Variants in RIN2 observed in about 807,000 individuals in gnomAD.
The protein encoded by RIN2 is RAB5 interacting protein 2.
Under a neutral mutation model 78.0 loss-of-function variants are expected in RIN2, and 36 were observed. That is an observed-to-expected ratio of 0.46 (90% CI 0.35 to 0.61). The LOEUF is 0.61. Among genes scored for constraint, RIN2 ranks in the 20% least tolerant of loss-of-function variants. The pLI is 0.00. For missense variants in RIN2, 1,087 were observed against 1,159.7 expected (o/e 0.94, Z 0.91); for synonymous variants, 466 against 466.8 (o/e 1.00, Z 0.02).
chr20:19,963,367 A>T, intron 6 of RIN2, among the ~76,000 whole-genome samples: 1 of 152,124 alleles, frequency 6.6e-6, no homozygotes, highest in East Asian at 1.9e-4. Flanking sequence ...TAATCCCAGC[A>T]CTTTGGGAGG....
At chr20:19,977,660 G>A (rs2042321629) in intron 9 of RIN2, among the ~76,000 whole-genome samples, 1 of 152,084 alleles carries the variant, frequency 6.6e-6, no homozygotes. Flanking sequence ...AACTTCCATT[G>A]GATCAGAAGC....
At chr20:19,984,758 C>T (rs142571422) in intron 9 of RIN2, among the ~76,000 whole-genome samples, 2,063 of 152,182 alleles carry the variant, frequency 0.014, 52 homozygotes, top group African/African-American at 0.047. Flanking sequence ...CAGAGTGAGA[C>T]TCTGTCTCAA....
intron 1 of RIN2, among the ~76,000 whole-genome samples, chr20:19,780,969 G>C (rs1310226869): frequency 6.6e-6 from 1 of 152,204 alleles, no homozygotes; most frequent in East Asian, 1.9e-4. Context: ...GTAATAGAGA[G>C]ATGAAAGAGT....
chr20:19,841,262 C>T (rs1473427849), intron 2 of RIN2, among the ~76,000 whole-genome samples: 3 of 151,818 alleles, frequency 2.0e-5, no homozygotes, highest in Admixed American at 6.6e-5. Flanking sequence ...TGGCTACAGG[C>T]GTGAGCCACC....
chr20:19,902,015 CAAAAAAAAA>C (rs55949901), intron 3 of RIN2, among the ~76,000 whole-genome samples: 58 of 100,642 alleles, frequency 5.8e-4, no homozygotes, highest in South Asian at 4.0e-3. Flanking sequence ...GACTCTGTCT[CAAAAAAAAA>C]AAAAAAAAAA....
At chr20:19,833,904 T>C (rs1277256537) in intron 2 of RIN2, among the ~76,000 whole-genome samples, 1 of 152,140 alleles carries the variant, frequency 6.6e-6, no homozygotes, top group Admixed American at 6.5e-5. Flanking sequence ...GAGGTTGGCA[T>C]CCTGCTGAGG....
intron 2 of RIN2, among the ~76,000 whole-genome samples, chr20:19,843,943 G>T (rs1334683007): frequency 6.6e-6 from 1 of 152,098 alleles, no homozygotes; most frequent in Non-Finnish European, 1.5e-5. Flanking sequence ...GCAATTCTTT[G>T]ACTCATTAAC....
intron 1 of RIN2, among the ~76,000 whole-genome samples, chr20:19,765,957 G>C (rs1013373680): frequency 4.6e-5 from 7 of 152,142 alleles, no homozygotes; most frequent in Admixed American, 1.3e-4. Context: ...CAGTGGGATG[G>C]ACCAGGCACA....
At chr20:19,978,593 C>G (rs1324965417) in intron 9 of RIN2, among the ~76,000 whole-genome samples, 1 of 152,214 alleles carries the variant, frequency 6.6e-6, no homozygotes, top group Non-Finnish European at 1.5e-5. Context: ...TATGTTCTCT[C>G]ATGGAGAATT....
intron 9 of RIN2, among the ~76,000 whole-genome samples, chr20:19,980,656 A>C (rs1362123391): frequency 2.0e-5 from 3 of 152,196 alleles, no homozygotes; most frequent in African/African-American, 7.2e-5. Flanking sequence ...AGACACCTAA[A>C]ATGCTGCACG....
chr20:19,952,802 G>A (rs935230051), intron 4 of RIN2, among the ~76,000 whole-genome samples: 6 of 152,138 alleles, frequency 3.9e-5, no homozygotes, highest in Admixed American at 6.5e-5. Flanking sequence ...TTATTTAGTC[G>A]CCAAGAATTC....
chr20:19,979,611 TTTTTTG>T (rs971349000), intron 9 of RIN2, among the ~76,000 whole-genome samples: 5 of 152,042 alleles, frequency 3.3e-5, no homozygotes, highest in African/African-American at 9.7e-5. Flanking sequence ...GATCTGGGTT[TTTTTTG>T]TTTTTGTTTT....
chr20:19,940,543 C>T (rs199549), intron 4 of RIN2, among the ~76,000 whole-genome samples: 39,611 of 152,100 alleles, frequency 0.26, 6,676 homozygotes, highest in African/African-American at 0.48. Flanking sequence ...AAATCTCCCT[C>T]CATGCCTCTG....
At chr20:19,777,518 G>T (rs1009595786) in intron 1 of RIN2, among the ~76,000 whole-genome samples, 3 of 152,176 alleles carry the variant, frequency 2.0e-5, no homozygotes, top group East Asian at 1.9e-4. Flanking sequence ...TTTATAAATT[G>T]TTGATAGACC....
intron 1 of RIN2, among the ~76,000 whole-genome samples, chr20:19,793,262 A>AT (rs1429281715): frequency 6.6e-5 from 10 of 152,188 alleles, no homozygotes; most frequent in Non-Finnish European, 1.0e-4. Flanking sequence ...AGCATTTAAA[A>AT]TTTTTTTGTA....
rs918122088 is a variant in RIN2, at chr20:19,943,135, G to A, written c.158+7936G>A. ...GCCCGCCTGGCTCCTTCTTCTGCCT[G>A]TTTTCAGCTCCAAGGGCAACCAGGA... On this transcript the variant is annotated intron_variant, in intron 4 of 12. Coordinates refer to ENST00000255006, the MANE Select transcript of RIN2 (RefSeq NM_018993.4). Among the ~76,000 whole-genome samples, 6 of 152,354 alleles carry A rather than the reference G, an allele frequency of 3.9e-5. No homozygotes were observed. The South Asian group carries it at 1.2e-3, about 32-fold the overall frequency.
chr20:19,974,789 G>A lies in RIN2; in HGVS notation c.764G>A (p.Arg255Lys), dbSNP rs746529116. ...LINGVHSIKTRTPSELECSQT... is the reference protein window; with the variant it reads ...LINGVHSIKTKTPSELECSQT... ...AATGGAGTGCATTCTATCAAAACCAGGACGCCTTCAGAGCTGGAGTGCAGC... is the reference window on the plus strand; with the variant it reads ...AATGGAGTGCATTCTATCAAAACCAAGACGCCTTCAGAGCTGGAGTGCAGC... Residue 255 changes from arginine to lysine, a missense_variant, in exon 9 of 13, where the codon AGG becomes AAG. Physicochemically the swap from Arg to Lys is conservative, Grantham distance 26. This residue lies in a region of RIN2 where 706 missense variants were observed against 667.5 expected (regional missense o/e 1.06). Coordinates refer to ENST00000255006, the MANE Select transcript of RIN2 (RefSeq NM_018993.4). 1 of 1,614,008 alleles carries A rather than the reference G, an allele frequency of 6.2e-7. No individual in the cohort carries two copies. Among genetic ancestry groups the A allele is most frequent in the East Asian group, 2.2e-5 (1 of 44,870 alleles).
At chr20:19,767,962 C>T (rs959035330) in intron 1 of RIN2, among the ~76,000 whole-genome samples, 1 of 149,102 alleles carries the variant, frequency 6.7e-6, no homozygotes, top group African/African-American at 2.5e-5. Context: ...TCCTGCGAAA[C>T]ATGGAGAGAG....
intron 3 of RIN2, among the ~76,000 whole-genome samples, chr20:19,900,811 G>A (rs902212506): frequency 1.3e-4 from 19 of 151,376 alleles, no homozygotes; most frequent in African/African-American, 3.4e-4. Flanking sequence ...TGAGCCAGGC[G>A]TGGTGGCGCA....
Sources: allele counts gnomAD v4.1 joint callset (sites outside exome capture counted in the v4.1 genomes callset), GRCh38; gene constraint gnomAD v4.1.1; regional missense constraint gnomAD v4.1.1; transcripts MANE v1.5; gene names NCBI Gene and HGNC (gene_info 2026-07-23, HGNC 2026-07-21).